Variants in PCDHA11 observed in about 807,000 individuals in gnomAD.
The protein encoded by PCDHA11 is protocadherin alpha 11, also known as protocadherin alpha-11.
A neutral mutation model predicts 70.3 loss-of-function variants in PCDHA11; 61 were observed. That is an observed-to-expected ratio of 0.87 (90% confidence interval 0.71 to 1.07). The LOEUF (loss-of-function observed/expected upper bound fraction) is 1.07. Among genes scored for constraint, PCDHA11 ranks in the 50% least tolerant of loss-of-function variants. The pLI, the probability that PCDHA11 is intolerant of heterozygous loss-of-function variation, is 0.00. For synonymous variants in PCDHA11, 633 were observed against 555.1 expected (o/e 1.14, Z -1.97); for missense variants, 1,324 against 1,237.5 (o/e 1.07, Z -1.05).
chr5:140,968,476 G>A (rs1295691287), intron 1 of PCDHA11: 1 of 1,613,974 alleles, frequency 6.2e-7, no homozygotes, highest in East Asian at 2.2e-5. Flanking sequence ...TATATGTGGT[G>A]GACATGAATG....
chr5:140,941,673 A>T (rs1217189957), intron 1 of PCDHA11, among the ~76,000 whole-genome samples: 1 of 152,024 alleles, frequency 6.6e-6, no homozygotes, highest in Non-Finnish European at 1.5e-5. Context: ...TGTCAAGTTC[A>T]ATATTCTGTT....
At chr5:140,908,662 G>C (rs1489476593) in intron 1 of PCDHA11, among the ~76,000 whole-genome samples, 4 of 152,114 alleles carry the variant, frequency 2.6e-5, no homozygotes, top group Non-Finnish European at 4.4e-5. Context: ...CCTGCCAAAG[G>C]CTCCAAATAG....
chr5:140,999,523 C>T (rs115576128), intron 3 of PCDHA11, among the ~76,000 whole-genome samples: 1 of 152,026 alleles, frequency 6.6e-6, no homozygotes, highest in Non-Finnish European at 1.5e-5. Context: ...CATTTTGTTA[C>T]CCCCTGGATA....
intron 1 of PCDHA11, chr5:140,966,752 C>T (rs1013247328): frequency 3.5e-6 from 5 of 1,432,026 alleles, no homozygotes; most frequent in Non-Finnish European, 4.6e-6. Flanking sequence ...GCTGCCTCCG[C>T]CGCGGCCAGT....
chr5:140,874,152 T>C (rs1416330070), intron 1 of PCDHA11, among the ~76,000 whole-genome samples: 1 of 152,228 alleles, frequency 6.6e-6, no homozygotes, highest in African/African-American at 2.4e-5. Context: ...TGTAGAGCCA[T>C]TCTTGGTTAC....
intron 1 of PCDHA11, among the ~76,000 whole-genome samples, chr5:140,910,668 C>G (rs2075124281): frequency 6.6e-6 from 1 of 152,172 alleles, no homozygotes; most frequent in Admixed American, 6.5e-5. Flanking sequence ...TACATTAAAC[C>G]AAGGGAGATC....
intron 1 of PCDHA11, among the ~76,000 whole-genome samples, chr5:140,918,873 C>A (rs774088807): frequency 2.0e-5 from 3 of 152,166 alleles, no homozygotes; most frequent in Non-Finnish European, 4.4e-5. Flanking sequence ...AACTTTCAAG[C>A]CTCTAGAACA....
intron 1 of PCDHA11, chr5:140,967,025 C>A: frequency 1.2e-6 from 2 of 1,608,362 alleles, no homozygotes; most frequent in Non-Finnish European, 8.5e-7. Flanking sequence ...TGCGCCCAGT[C>A]CGCGCTACCT....
intron 1 of PCDHA11, chr5:140,968,976 A>G (rs1410286561): frequency 2.5e-6 from 4 of 1,614,074 alleles, no homozygotes; most frequent in African/African-American, 1.3e-5. Flanking sequence ...TACACTGCGT[A>G]TGGCACTGCA....
chr5:140,984,365 C>G (rs2097099251), intron 3 of PCDHA11, among the ~76,000 whole-genome samples: 1 of 152,128 alleles, frequency 6.6e-6, no homozygotes. Flanking sequence ...TACATCTGGC[C>G]AAGTCCCTCT....
At chr5:140,957,912 T>A (rs570961362) in intron 1 of PCDHA11, among the ~76,000 whole-genome samples, 1 of 152,256 alleles carries the variant, frequency 6.6e-6, no homozygotes, top group Non-Finnish European at 1.5e-5. Context: ...CATATTGTTA[T>A]CTATGTATCA....
chr5:140,878,125 A>T (rs1286133298), intron 1 of PCDHA11: 1 of 214,326 alleles, frequency 4.7e-6, no homozygotes, highest in Non-Finnish European at 9.0e-6. Flanking sequence ...ATATTAGATT[A>T]AAAAGTGGCC....
At chr5:140,953,530 C>T (rs923959885) in intron 1 of PCDHA11, among the ~76,000 whole-genome samples, 3 of 152,158 alleles carry the variant, frequency 2.0e-5, no homozygotes, top group Admixed American at 6.5e-5. Context: ...ACGGGAAACT[C>T]ACTTCATGCT....
intron 3 of PCDHA11, among the ~76,000 whole-genome samples, chr5:140,999,527 C>G (rs578180518): frequency 6.6e-6 from 1 of 152,088 alleles, no homozygotes; most frequent in Non-Finnish European, 1.5e-5. Context: ...TTGTTACCCC[C>G]TGGATATGAC....
chr5:140,882,046 TACTTAC>T lies in PCDHA11; in HGVS notation c.2391+10561_2391+10566del, dbSNP rs2058922100. The T allele has an allele frequency of 1.6e-5, 12 of 728,060 alleles. No homozygotes were observed. In the South Asian group the frequency reaches 2.5e-4, roughly 15 times the overall value. 45.1% of individuals were successfully genotyped at this position (728,060 alleles called of 1,614,324 possible). ...AATGGAAAATATGAAGACTGAGTCA[TACTTAC>T]ACTTACACGTTCATGCGCATGGTGT... is the stretch of plus-strand genomic sequence containing the variant. On this transcript the variant is annotated intron_variant, in intron 1 of 3. Coordinates refer to ENST00000398640, the MANE Select transcript of PCDHA11 (RefSeq NM_018902.5).
At chr5:140,894,193 T>G (rs1481492058) in intron 1 of PCDHA11, among the ~76,000 whole-genome samples, 1 of 152,170 alleles carries the variant, frequency 6.6e-6, no homozygotes, top group Non-Finnish European at 1.5e-5. Context: ...TATATATTTT[T>G]TCTATGCTAT....
chr5:140,997,785 A>G (rs537383326), intron 3 of PCDHA11, among the ~76,000 whole-genome samples: 2 of 152,218 alleles, frequency 1.3e-5, no homozygotes, highest in Admixed American at 1.3e-4. Flanking sequence ...GTATACCTAT[A>G]TTATAATTTA....
chr5:140,974,782 C>T (rs1211935245), intron 1 of PCDHA11, among the ~76,000 whole-genome samples: 11 of 152,150 alleles, frequency 7.2e-5, no homozygotes, highest in African/African-American at 2.7e-4. Context: ...GCCACTGCGC[C>T]CAGCCCTCAT....
In PCDHA11 at chr5:141,010,472, A is replaced by G. The variant is rs2098417397; in HGVS notation, c.*535A>G. ...AGCGGAAGTTATCAGTATGGAGGGG[A>G]AGTGTAAACTTAAAGGGACCAGACT... On this transcript the variant is annotated 3_prime_UTR_variant, in exon 4 of 4. Transcript: ENST00000398640. The G allele has an allele frequency of 1.3e-6, 1 of 762,088 alleles. No homozygotes were observed. Among genetic ancestry groups the G allele is most frequent in the African/African-American group, 1.8e-5 (1 of 56,688 alleles). 47.2% of individuals were successfully genotyped at this position (762,088 alleles called of 1,614,324 possible).
Sources: gnomAD v4.1 joint callset for allele counts (sites outside exome capture counted in the v4.1 genomes callset) on GRCh38, gnomAD v4.1.1 for gene constraint, MANE v1.5 for transcripts, NCBI Gene and HGNC (gene_info 2026-07-23, HGNC 2026-07-21) for gene names.